Variants in RANBP2 observed in about 807,000 individuals in gnomAD.
RANBP2 encodes the protein RAN binding protein 2, also known as E3 SUMO-protein ligase RanBP2.
In RANBP2, 57 loss-of-function variants were observed where a neutral mutation model predicts 303.6. That is an observed-to-expected ratio of 0.19 (90% confidence interval 0.15 to 0.23). The LOEUF (loss-of-function observed/expected upper bound fraction) is 0.23, where lower values mean the gene tolerates loss of function less well. Among genes scored for constraint, RANBP2 ranks in the 10% least tolerant of loss-of-function variants. RANBP2 has a pLI of 1.00. For missense variants in RANBP2, 3,138 were observed against 3,780.8 expected, an observed-to-expected ratio of 0.83 and a Z score of 4.46; for synonymous variants, 1,167 against 1,301.5, an observed-to-expected ratio of 0.90 and a Z score of 2.23.
chr2:109,732,711 G>T, the RANBP2 span: 32 of 604,474 alleles, frequency 5.3e-5, no homozygotes, highest in East Asian at 1.2e-3. Context: ...CTCGTGATCC[G>T]CCCGCCTTGG....
the RANBP2 span, among the ~76,000 whole-genome samples, chr2:109,444,470 C>G: frequency 1.3e-5 from 2 of 152,194 alleles, no homozygotes; most frequent in African/African-American, 4.8e-5. Context: ...CTGTGAGAAT[C>G]AGGGGACCAG....
chr2:109,133,400 A>G, the RANBP2 span, among the ~76,000 whole-genome samples: 1 of 152,266 alleles, frequency 6.6e-6, no homozygotes, highest in African/African-American at 2.4e-5. Flanking sequence ...GGAGAATCAT[A>G]AAATTATATT....
the RANBP2 span, among the ~76,000 whole-genome samples, chr2:109,495,963 G>T: frequency 2.0e-5 from 3 of 152,152 alleles, no homozygotes; most frequent in Non-Finnish European, 4.4e-5. Flanking sequence ...GTTCCTGGTG[G>T]GTTCGTGGTC....
At chr2:109,219,580 G>C in the RANBP2 span, among the ~76,000 whole-genome samples, 1 of 152,142 alleles carries the variant, frequency 6.6e-6, no homozygotes, top group Non-Finnish European at 1.5e-5. Flanking sequence ...AGTTTTCAGA[G>C]CTAGTAAATG....
At chr2:109,051,363 T>C in the RANBP2 span, among the ~76,000 whole-genome samples, 2 of 152,178 alleles carry the variant, frequency 1.3e-5, no homozygotes, top group Non-Finnish European at 2.9e-5. Context: ...CCCTGCCCCA[T>C]GGTCCCAAAC....
At chr2:109,336,997 A>G in the RANBP2 span, among the ~76,000 whole-genome samples, 7 of 152,250 alleles carry the variant, frequency 4.6e-5, no homozygotes, top group East Asian at 1.9e-4. Context: ...TGCAATATCT[A>G]TGTGAAATAA....
At chr2:108,972,954 T>A in the RANBP2 span, among the ~76,000 whole-genome samples, 1 of 152,190 alleles carries the variant, frequency 6.6e-6, no homozygotes, top group Admixed American at 6.5e-5. Flanking sequence ...TAGGAAGAGG[T>A]CTCAGCAGGT....
the RANBP2 span, among the ~76,000 whole-genome samples, chr2:109,533,795 G>T: frequency 6.6e-6 from 1 of 152,176 alleles, no homozygotes; most frequent in Non-Finnish European, 1.5e-5. Context: ...GTACTTTCAA[G>T]ATTTCTCCAG....
chr2:108,737,437 C>A (rs1217142062), intron 6 of RANBP2, among the ~76,000 whole-genome samples: 1 of 148,770 alleles, frequency 6.7e-6, no homozygotes, highest in Non-Finnish European at 1.5e-5. Context: ...CTCCCTGGTT[C>A]AGGCGATTCT....
At chr2:109,568,713 C>G in the RANBP2 span, among the ~76,000 whole-genome samples, 3 of 152,124 alleles carry the variant, frequency 2.0e-5, no homozygotes, top group Non-Finnish European at 4.4e-5. Context: ...AATCTAAGCA[C>G]TAAGTAACCA....
At chr2:108,726,340 A>G (rs1694705047) in intron 1 of RANBP2, among the ~76,000 whole-genome samples, 1 of 152,154 alleles carries the variant, frequency 6.6e-6, no homozygotes, top group Non-Finnish European at 1.5e-5. Flanking sequence ...TATTTTATTT[A>G]AAATGGCACC....
chr2:109,286,155 G>A, the RANBP2 span, among the ~76,000 whole-genome samples: 1 of 152,204 alleles, frequency 6.6e-6, no homozygotes, highest in East Asian at 1.9e-4. Flanking sequence ...GATTTTCCAA[G>A]TCACTTTATT....
At chr2:109,679,083 ACAGC>A in the RANBP2 span, among the ~76,000 whole-genome samples, 5 of 152,208 alleles carry the variant, frequency 3.3e-5, no homozygotes, top group Admixed American at 3.3e-4. Context: ...AAGGCACATC[ACAGC>A]CTTCCTGCAC....
At chr2:109,266,919 A>G in the RANBP2 span, among the ~76,000 whole-genome samples, 2 of 152,220 alleles carry the variant, frequency 1.3e-5, no homozygotes, top group African/African-American at 4.8e-5. Context: ...CCTGAGCAGG[A>G]GAGGATGTCT....
chr2:108,777,320 GT>G, intron 25 of RANBP2, 89 bp downstream of exon 25: 1 of 1,068,186 alleles, frequency 9.4e-7, no homozygotes, highest in Non-Finnish European at 1.4e-6. Context: ...ATATAACTAA[GT>G]TAGAAGTTTC....
chr2:108,828,006 A>G, the RANBP2 span, among the ~76,000 whole-genome samples: 1 of 152,136 alleles, frequency 6.6e-6, no homozygotes. Flanking sequence ...CGTGACCACA[A>G]AAACAGATCC....
chr2:109,376,509 A>G, the RANBP2 span, among the ~76,000 whole-genome samples: 1 of 152,184 alleles, frequency 6.6e-6, no homozygotes, highest in Non-Finnish European at 1.5e-5. Flanking sequence ...AAACCTCTCC[A>G]TGGGGCCAGG....
At chr2:109,543,671 C>T in the RANBP2 span, 1 of 152,586 alleles carries the variant, frequency 6.6e-6, no homozygotes, top group African/African-American at 2.4e-5. Context: ...TTCAGTGGCA[C>T]TGACTTCGCT....
chr2:109,361,956 C>T, the RANBP2 span, among the ~76,000 whole-genome samples: 2 of 151,796 alleles, frequency 1.3e-5, no homozygotes, highest in Non-Finnish European at 2.9e-5. Context: ...ACTTTGTGTC[C>T]TCTGTTTTTC....
Sources: allele counts gnomAD v4.1 joint callset (sites outside exome capture counted in the v4.1 genomes callset), GRCh38; gene constraint gnomAD v4.1.1; transcripts MANE v1.5; gene names NCBI Gene and HGNC (gene_info 2026-07-23, HGNC 2026-07-21).